SDC1: variants seen among roughly 807,000 people sequenced by gnomAD.
SDC1 encodes the protein syndecan 1, also known as syndecan-1.
SDC1 carries 14 observed loss-of-function variants against 29.7 expected under a neutral mutation model. The observed-to-expected ratio is 0.47, with a 90% CI of 0.31 to 0.74. SDC1 has a LOEUF of 0.74. Ranked by LOEUF, SDC1 falls within the 30% of genes least tolerant of loss-of-function variation. The probability of loss-of-function intolerance (pLI) is 0.05; values close to 1 mark genes in which losing one functional copy is unlikely to be tolerated. For missense variants in SDC1, 406 were observed against 400.3 expected, an observed-to-expected ratio of 1.01 and a Z score of -0.12; for synonymous variants, 204 against 175.5, an observed-to-expected ratio of 1.16 and a Z score of -1.29.
At position 20,224,860 on chromosome 2, in the gene SDC1, C is replaced by T; in HGVS notation, c.8G>A (p.Arg3His). 4.0e-6 allele frequency: 5 copies of T among 1,248,874 alleles called. No homozygotes were observed. The highest frequency in any genetic ancestry group is 5.0e-6 in the Non-Finnish European group (5 of 998,320). The allele number at this position is 1,248,874 out of a possible 1,614,324, so 77.4% of individuals were successfully genotyped here. A position where few individuals can be genotyped will look rare whatever the true frequency, so the allele number is the denominator to read the frequency against. Residue 3 changes from arginine (R) to histidine (H), a missense_variant, in exon 1 of 5, where the codon CGC becomes CAC. Coordinates refer to ENST00000254351, the MANE Select transcript of SDC1 (RefSeq NM_002997.5). This position sits in a 1 kb window ranked among gnomAD's most constrained non-coding sequence, Gnocchi z 4.9. MR[R>H]AALWLWLCAL... Reference sequence around the variant, plus strand: ...GCACAGCCAGAGCCAGAGCGCCGCGCGCCTCATGCTGCCCGGACCGGCGGC... The same window carrying T: ...GCACAGCCAGAGCCAGAGCGCCGCGTGCCTCATGCTGCCCGGACCGGCGGC...
chr2:20,208,248 G>A (rs1242008478), intron 1 of SDC1: 2 of 301,814 alleles, frequency 6.6e-6, no homozygotes, highest in Non-Finnish European at 9.8e-6. Context: ...TTTCCCAAGA[G>A]CAGGGCTTTC....
intron 4 of SDC1, 31 bp downstream of exon 4, chr2:20,203,056 C>T: frequency 6.3e-7 from 1 of 1,581,300 alleles, no homozygotes; most frequent in Non-Finnish European, 8.6e-7. Context: ...CAGCAATTCA[C>T]CCCAAACTAC....
chr2:20,222,059 T>C (rs1011648705), intron 1 of SDC1, among the ~76,000 whole-genome samples: 4 of 151,964 alleles, frequency 2.6e-5, no homozygotes, highest in African/African-American at 9.7e-5. Context: ...GCCATTTTTC[T>C]TACATGGCAG....
intron 1 of SDC1, among the ~76,000 whole-genome samples, chr2:20,213,327 A>T (rs1365256292): frequency 6.6e-6 from 1 of 152,228 alleles, no homozygotes; most frequent in East Asian, 1.9e-4. Context: ...TCATCCAGGC[A>T]GGCGATGAGC....
At position 20,225,047 on chromosome 2, in the gene SDC1, C is replaced by T. The variant is rs1466668713; in HGVS notation, c.-180G>A. On this transcript the variant is annotated 5_prime_UTR_variant, in exon 1 of 5. Coordinates refer to ENST00000254351, the MANE Select transcript of SDC1 (RefSeq NM_002997.5). ...CTCTACTGCCGGATTCCTCTCCGCTCGGCTCGGATTCGGCCCGCACCTCTC... is the reference window on the plus strand; with the variant it reads ...CTCTACTGCCGGATTCCTCTCCGCTTGGCTCGGATTCGGCCCGCACCTCTC... 5 of 731,994 alleles carry T rather than the reference C, an allele frequency of 6.8e-6. No individual in the cohort carries two copies. Among genetic ancestry groups the T allele is most frequent in the South Asian group, 6.9e-5 (1 of 14,506 alleles). 45.3% of individuals were successfully genotyped at this position (731,994 alleles called of 1,614,324 possible).
At chr2:20,212,695 G>A (rs1381266363) in intron 1 of SDC1, among the ~76,000 whole-genome samples, 1 of 152,150 alleles carries the variant, frequency 6.6e-6, no homozygotes, top group African/African-American at 2.4e-5. Context: ...GGTATGACAG[G>A]CAGGGAGTGA....
At chr2:20,212,376 G>A (rs1466648225) in intron 1 of SDC1, among the ~76,000 whole-genome samples, 1 of 152,238 alleles carries the variant, frequency 6.6e-6, no homozygotes, top group East Asian at 1.9e-4. Context: ...AGCAGGGCAG[G>A]GCCACAGGCC....
chr2:20,202,771 C>A lies in SDC1; in HGVS notation c.928G>T (p.Ala310Ser), dbSNP rs774301421. The change falls in exon 5 of 5, where the codon GCC (alanine) becomes TCC (serine). Residue 310 changes from alanine to serine, a missense_variant. Ala to Ser is a moderately conservative substitution (Grantham distance 99). Coordinates refer to ENST00000254351, the MANE Select transcript of SDC1 (RefSeq NM_002997.5). ...GGGGGCGCATGGCTCCCGCGTCAGG[C>A]ATAGAATTCCTCCTGTTTGGTGGGC... ...QKPTKQEEFYA is the reference protein window; with the variant it reads ...QKPTKQEEFYS The A allele has an allele frequency of 6.2e-7, 1 of 1,604,908 alleles. No homozygotes were observed. The highest frequency in any genetic ancestry group is 8.5e-7 in the Non-Finnish European group (1 of 1,175,300).
chr2:20,221,719 GC>G (rs1412391973), intron 1 of SDC1, among the ~76,000 whole-genome samples: 1 of 152,166 alleles, frequency 6.6e-6, no homozygotes, highest in Non-Finnish European at 1.5e-5. Flanking sequence ...CAGAAGTCAA[GC>G]TTTTCATTAA....
Position 20,219,145 on chromosome 2 carries a change from C to A in SDC1, c.66+5657G>T, listed in dbSNP as rs527937465. ...TGGCCCCAAGACCCAAGATTTCCCA[C>A]GGCACACCCCCCTTGCCCCATAAGC... On this transcript the variant is annotated intron_variant, in intron 1 of 4. Coordinates refer to ENST00000254351, the MANE Select transcript of SDC1 (RefSeq NM_002997.5). Among the ~76,000 whole-genome samples, 15 of 152,226 alleles carry A rather than the reference C, an allele frequency of 9.9e-5. No individual in the cohort carries two copies. In the South Asian group the frequency reaches 1.5e-3, roughly 15 times the overall value.
chr2:20,209,900 C>T (rs369215842), intron 1 of SDC1, among the ~76,000 whole-genome samples: 41 of 152,356 alleles, frequency 2.7e-4, no homozygotes, highest in African/African-American at 6.7e-4. Flanking sequence ...CGGGCCCAGT[C>T]GCTAACCCGA....
chr2:20,213,066 C>T (rs1046427157), intron 1 of SDC1, among the ~76,000 whole-genome samples: 5 of 152,082 alleles, frequency 3.3e-5, no homozygotes, highest in East Asian at 3.9e-4. Flanking sequence ...ACACCGGGGG[C>T]GTTTATTGAA....
At position 20,212,103 on chromosome 2, in the gene SDC1, G is replaced by A. The variant is rs966010160; in HGVS notation, c.67-6679C>T. On this transcript the variant is annotated intron_variant, in intron 1 of 4. Transcript: ENST00000254351. Reference sequence around the variant, plus strand: ...TTTACGGCTGACAGGCTGGCCCCGCGGCTTTAGCACCTGGTGCTGCTCTGG... The same window carrying A: ...TTTACGGCTGACAGGCTGGCCCCGCAGCTTTAGCACCTGGTGCTGCTCTGG... Among the ~76,000 whole-genome samples the A allele has an allele frequency of 6.1e-5, 9 of 148,548 alleles. No homozygotes were observed. In the South Asian group the frequency reaches 8.6e-4, roughly 14 times the overall value.
At chr2:20,210,305 G>C (rs916465521) in intron 1 of SDC1, among the ~76,000 whole-genome samples, 2 of 152,184 alleles carry the variant, frequency 1.3e-5, no homozygotes, top group Non-Finnish European at 2.9e-5. Context: ...CACGCCAGGA[G>C]CTTTTGGAGA....
At chr2:20,216,421 G>A (rs1677628249) in intron 1 of SDC1, among the ~76,000 whole-genome samples, 1 of 152,178 alleles carries the variant, frequency 6.6e-6, no homozygotes. Flanking sequence ...GTTTTCTCTG[G>A]GAGAAGCTGG....
Position 20,204,108 on chromosome 2 carries a change from TC to T in SDC1, c.331del (p.Glu111SerfsTer112). The T allele has an allele frequency of 6.2e-7, 1 of 1,607,420 alleles. No individual in the cohort carries two copies. On this transcript the variant is annotated frameshift_variant, in exon 3 of 5. Transcript: ENST00000254351. LOFTEE classifies it high-confidence loss of function. ...CTGCTCCCGGGCGGTGAGGCCAGGC[TC>T]CACTTCTGGCAGGACTACAGCCTCT... is the stretch of plus-strand genomic sequence containing the variant. ...EGEAVVLPEV[E>X]PGLTAREQEA...
intron 1 of SDC1, chr2:20,208,263 T>A: frequency 4.5e-6 from 1 of 224,706 alleles, no homozygotes; most frequent in Non-Finnish European, 7.5e-6. Flanking sequence ...GCTTTCCTCC[T>A]GACTAGATAA....
Position 20,224,014 on chromosome 2 carries a change from G to A in SDC1, c.66+788C>T, listed in dbSNP as rs1677908479. Among the ~76,000 whole-genome samples the A allele has an allele frequency of 6.6e-6, 1 of 152,310 alleles. No individual in the cohort carries two copies. The highest frequency in any genetic ancestry group is 2.1e-4 in the South Asian group (1 of 4,832). ...CACAAAGCCGAGCCGGGGAGCGGGA[G>A]GCCATTCCCGGGTCCCCTCGCGTGG... On this transcript the variant is annotated intron_variant, in intron 1 of 4. Transcript: ENST00000254351. The surrounding 1 kb of genome is among the most constrained non-coding windows in gnomAD (Gnocchi z 4.9).
intron 1 of SDC1, among the ~76,000 whole-genome samples, chr2:20,218,596 C>T (rs995907098): frequency 1.3e-5 from 2 of 151,262 alleles, no homozygotes; most frequent in African/African-American, 4.9e-5. Context: ...CACACAGATA[C>T]AAATATACAC....
Sources: allele counts gnomAD v4.1 joint callset (sites outside exome capture counted in the v4.1 genomes callset), GRCh38; gene constraint gnomAD v4.1.1; non-coding constraint Gnocchi (gnomAD v3.1); transcripts MANE v1.5; gene names NCBI Gene and HGNC (gene_info 2026-07-23, HGNC 2026-07-21).